MRPL45: variants seen among roughly 807,000 people sequenced by gnomAD.
MRPL45 encodes large ribosomal subunit protein mL45.
A neutral mutation model predicts 38.1 loss-of-function variants in MRPL45; 20 were observed. The observed-to-expected ratio is 0.53, with a 90% CI of 0.37 to 0.76. MRPL45 has a LOEUF of 0.76. Ranked by LOEUF, MRPL45 falls within the 30% of genes least tolerant of loss-of-function variation. MRPL45 has a pLI of 0.00. For synonymous variants in MRPL45, 105 were observed against 128.8 expected (o/e 0.82, Z 1.25); for missense variants, 337 against 395.6 (o/e 0.85, Z 1.26).
At chr17:38,305,324 G>A (rs1477976226) in intron 3 of MRPL45, among the ~76,000 whole-genome samples, 1 of 142,364 alleles carries the variant, frequency 7.0e-6, no homozygotes, top group African/African-American at 2.5e-5. Context: ...AAAATTAGGC[G>A]GGCGGGGTGA....
Position 38,299,463 on chromosome 17 carries a change from A to G in MRPL45, c.357A>G (p.Gln119=), listed in dbSNP as rs764274794. Residue 119 remains glutamine (Q), a synonymous_variant, in exon 3 of 8, where the codon CAA becomes CAG. Transcript: ENST00000613675. The stretch of plus-strand genomic sequence containing the variant: ...GAATGAAGAAGACTATGGCATCACA[A>G]GTGTCGTAGGTGTCTGAGACAATTG... ...TERMKKTMAS[Q]VSIRRIKDYD... The G allele has an allele frequency of 3.1e-6, 5 of 1,596,120 alleles. No individual in the cohort carries two copies. The African/African-American group carries it at 6.8e-5, about 22-fold the overall frequency.
In MRPL45 at chr17:38,301,592, G is replaced by C. The variant is rs2036996392; in HGVS notation, c.362+2124G>C. On this transcript the variant is annotated intron_variant, in intron 3 of 7. Transcript: ENST00000613675. ...GACTATTTTTGGTGCTGCCTTTGCTGTGATTGTAATTGCACACTTGTATTT... is the reference window on the plus strand; with the variant it reads ...GACTATTTTTGGTGCTGCCTTTGCTCTGATTGTAATTGCACACTTGTATTT... Among the ~76,000 whole-genome samples the C allele has an allele frequency of 2.6e-5, 4 of 152,142 alleles. No homozygotes were observed. The South Asian group carries it at 8.3e-4, about 31-fold the overall frequency.
intron 1 of MRPL45, 111 bp downstream of exon 1, chr17:38,297,360 C>T: frequency 4.7e-6 from 5 of 1,061,370 alleles, no homozygotes; most frequent in South Asian, 1.3e-5. Flanking sequence ...ACGAGTCATA[C>T]CTAGGCCGGG....
At chr17:38,307,788 G>A (rs2037068928) in intron 4 of MRPL45, among the ~76,000 whole-genome samples, 1 of 152,200 alleles carries the variant, frequency 6.6e-6, no homozygotes, top group South Asian at 2.1e-4. Flanking sequence ...GGCTTCAGGT[G>A]GGACCCAAAA....
At chr17:38,303,830 G>A (rs1281616752) in intron 3 of MRPL45, among the ~76,000 whole-genome samples, 2 of 150,522 alleles carry the variant, frequency 1.3e-5, no homozygotes, top group Non-Finnish European at 3.0e-5. Context: ...GGGTTCAAGC[G>A]ATTCTCCTGC....
In MRPL45 at chr17:38,311,160, A is replaced by C. The variant is rs2037107946; in HGVS notation, c.461+4529A>C. Among the ~76,000 whole-genome samples the C allele has an allele frequency of 3.9e-5, 6 of 152,118 alleles. 1 individual carries two copies. The South Asian group carries it at 8.3e-4, about 21-fold the overall frequency. ...CTCAGACAGGAATTTTATACCCATTAAGCAGTAATTCCCCATTGCCCTCTT... is the reference window on the plus strand; with the variant it reads ...CTCAGACAGGAATTTTATACCCATTCAGCAGTAATTCCCCATTGCCCTCTT... On this transcript the variant is annotated intron_variant, in intron 4 of 7. Transcript: ENST00000613675.
At chr17:38,303,290 ATTTTTTTTTTT>A (rs776250748) in intron 3 of MRPL45, among the ~76,000 whole-genome samples, 1 of 103,432 alleles carries the variant, frequency 9.7e-6, no homozygotes, top group South Asian at 2.8e-4. Flanking sequence ...AAAACATTAA[ATTTTTTTTTTT>A]TTTTTTTTTT....
chr17:38,318,234 T>C (rs547313036), intron 4 of MRPL45, among the ~76,000 whole-genome samples: 1 of 133,386 alleles, frequency 7.5e-6, no homozygotes, highest in Non-Finnish European at 1.6e-5. Context: ...AAAAAAGATA[T>C]AAGGCCAAGC....
At chr17:38,302,703 A>G (rs1268138452) in intron 3 of MRPL45, among the ~76,000 whole-genome samples, 2 of 151,548 alleles carry the variant, frequency 1.3e-5, no homozygotes, top group African/African-American at 4.8e-5. Context: ...TGATATGATG[A>G]CATATTAATT....
intron 4 of MRPL45, among the ~76,000 whole-genome samples, chr17:38,310,678 T>G (rs2037103599): frequency 6.6e-6 from 1 of 152,118 alleles, no homozygotes. Flanking sequence ...CAGGCTAGAG[T>G]ACAGTGGCTC....
At chr17:38,319,129 G>A (rs1227024181) in intron 5 of MRPL45, among the ~76,000 whole-genome samples, 2 of 151,418 alleles carry the variant, frequency 1.3e-5, no homozygotes, top group Admixed American at 6.6e-5. Flanking sequence ...TCCGCCTCCC[G>A]GGTTCACGCC....
At chr17:38,315,489 G>A (rs2037164735) in intron 4 of MRPL45, among the ~76,000 whole-genome samples, 2 of 150,716 alleles carry the variant, frequency 1.3e-5, no homozygotes, top group African/African-American at 2.4e-5. Flanking sequence ...GGCTGGTCTC[G>A]AACTCCTGGC....
intron 5 of MRPL45, among the ~76,000 whole-genome samples, chr17:38,319,044 T>TA (rs1289568446): frequency 6.8e-6 from 1 of 146,880 alleles, no homozygotes; most frequent in Non-Finnish European, 1.5e-5. Flanking sequence ...TTTATTTATT[T>TA]ATTTATTTTG....
intron 3 of MRPL45, among the ~76,000 whole-genome samples, chr17:38,302,433 G>A (rs2037006424): frequency 7.5e-6 from 1 of 133,240 alleles, no homozygotes; most frequent in East Asian, 2.5e-4. Flanking sequence ...GTTGCAGTGA[G>A]CCCAGATTGC....
At chr17:38,318,607 C>T in intron 4 of MRPL45, 80 bp from the exon 5 acceptor site, 2 of 1,033,448 alleles carry the variant, frequency 1.9e-6, no homozygotes, top group Non-Finnish European at 3.0e-6. Flanking sequence ...AATTGTTTTC[C>T]ATTTTCAGGA....
rs1257065415 is a variant in MRPL45 at position 38,316,022 on chromosome 17, A to C, written c.462-2665A>C. 2.0e-5 allele frequency among the ~76,000 whole-genome samples: 3 copies of C among 151,940 alleles called. No individual in the cohort carries two copies. In the East Asian group the frequency reaches 5.8e-4, roughly 29 times the overall value. Reference sequence around the variant, plus strand: ...ACTCCTGACCTCAGGTGATCCACCCACCTTGGCCTCCCAAAGTGCTGGGAT... The same window carrying C: ...ACTCCTGACCTCAGGTGATCCACCCCCCTTGGCCTCCCAAAGTGCTGGGAT... On this transcript the variant is annotated intron_variant, in intron 4 of 7. Transcript: ENST00000613675.
chr17:38,303,652 C>G (rs549557552), intron 3 of MRPL45, among the ~76,000 whole-genome samples: 1 of 152,014 alleles, frequency 6.6e-6, no homozygotes, highest in African/African-American at 2.4e-5. Flanking sequence ...AGTCTTCTTA[C>G]CTGTTTTAAT....
At chr17:38,304,022 T>C (rs2037026608) in intron 3 of MRPL45, among the ~76,000 whole-genome samples, 1 of 152,210 alleles carries the variant, frequency 6.6e-6, no homozygotes. Context: ...ATTACTTTGG[T>C]GGAGCACATT....
intron 5 of MRPL45, 92 bp downstream of exon 5, chr17:38,318,827 C>CT (rs71138606): frequency 0.01 from 1,220 of 120,256 alleles, no homozygotes; most frequent in East Asian, 0.081. Flanking sequence ...CTTTTCTTTT[C>CT]TTTTTTTTTT....
Sources: gnomAD v4.1 joint callset for allele counts (sites outside exome capture counted in the v4.1 genomes callset) on GRCh38, gnomAD v4.1.1 for gene constraint, MANE v1.5 for transcripts, NCBI Gene and HGNC (gene_info 2026-07-23, HGNC 2026-07-21) for gene names.